ZBTB4: variants seen among roughly 807,000 people sequenced by gnomAD.
ZBTB4 encodes the protein zinc finger and BTB domain-containing protein 4.
ZBTB4 carries 14 observed loss-of-function variants against 59.8 expected under a neutral mutation model. The ratio of observed to expected loss-of-function variants is 0.23; its 90% CI spans 0.15 to 0.37. The LOEUF is 0.37. Among genes scored for constraint, ZBTB4 ranks in the 10% least tolerant of loss-of-function variants. The pLI is 1.00. For missense variants in ZBTB4, 1,198 were observed against 1,380.8 expected (o/e 0.87, Z 2.10); for synonymous variants, 587 against 575.2 (o/e 1.02, Z -0.29).
rs1187128372 is a variant in ZBTB4 at position 7,461,817 on chromosome 17, GCCC to G, written c.*120_*122del. Reference sequence around the variant, plus strand: ...GCAGCCTGACCCCTGAGCTCCAGGGGCCCCCAAGTCCCTGCACAAGAGTGTGAA... The same window carrying G: ...GCAGCCTGACCCCTGAGCTCCAGGGGCCAAGTCCCTGCACAAGAGTGTGAA... On this transcript the variant is annotated 3_prime_UTR_variant, in exon 4 of 4. Transcript: ENST00000380599. The G allele has an allele frequency of 1.2e-6, 1 of 819,712 alleles. No homozygotes were observed. The highest frequency in any genetic ancestry group is 2.8e-5 in the Admixed American group (1 of 36,106). The allele number at this position is 819,712 out of a possible 1,614,324, so 50.8% of individuals were successfully genotyped here.
chr17:7,478,723 C>A (rs188940048), intron 1 of ZBTB4, among the ~76,000 whole-genome samples: 6 of 152,354 alleles, frequency 3.9e-5, no homozygotes, highest in African/African-American at 1.4e-4. Context: ...GCATGCTGTG[C>A]CCTGCTCAGA....
chr17:7,460,591 C>T lies in ZBTB4; in HGVS notation c.*1349G>A, dbSNP rs1431005212. 6.6e-6 allele frequency: 1 copy of T among 152,334 alleles called. No individual in the cohort carries two copies. Among genetic ancestry groups the T allele is most frequent in the Admixed American group, 6.6e-5 (1 of 15,260 alleles). 9.4% of individuals were successfully genotyped at this position (152,334 alleles called of 1,614,324 possible). ...GGTGGGTGGGATGGGAAATATTTAT[C>T]CAATCACAGAGCAGGGAGGCCCAGT... On this transcript the variant is annotated 3_prime_UTR_variant, in exon 4 of 4. Coordinates refer to ENST00000380599, the MANE Select transcript of ZBTB4 (RefSeq NM_001128833.2).
chr17:7,483,212 G>A, upstream of ZBTB4: 2 of 955,376 alleles, frequency 2.1e-6, no homozygotes, highest in Non-Finnish European at 3.0e-6. Context: ...GACCAGGCTG[G>A]GTCCTGGAAT....
At chr17:7,480,051 G>C (rs2070324083), upstream of ZBTB4, among the ~76,000 whole-genome samples, 1 of 152,040 alleles carries the variant, frequency 6.6e-6, no homozygotes, top group South Asian at 2.1e-4. Context: ...CACACTCAAA[G>C]AGGGCCAGCC....
At position 7,463,250 on chromosome 17, in the gene ZBTB4, T is replaced by A. The variant is rs1423614876; in HGVS notation, c.1732A>T (p.Ile578Phe). The change falls in exon 4 of 4, where the codon ATT becomes TTT. Residue 578 changes from isoleucine to phenylalanine, a missense_variant. Ile to Phe is a conservative substitution (Grantham distance 21, BLOSUM62 0). Transcript: ENST00000380599. ...LTYTAKPVGGIGGGGGPPTGA... is the reference protein window; with the variant it reads ...LTYTAKPVGGFGGGGGPPTGA... ...GTGGGGGGACCCCCACCTCCACCAA[T>A]CCCGCCCACTGGCTTGGCTGTGTAA... 8.7e-6 allele frequency: 14 copies of A among 1,611,988 alleles called. No individual in the cohort carries two copies. Among genetic ancestry groups the A allele is most frequent in the Non-Finnish European group, 1.1e-5 (13 of 1,179,494 alleles).
At chr17:7,476,813 G>A (rs1302929949) in intron 1 of ZBTB4, among the ~76,000 whole-genome samples, 1 of 152,200 alleles carries the variant, frequency 6.6e-6, no homozygotes, top group Non-Finnish European at 1.5e-5. Context: ...GAAATGGACT[G>A]CTGCAAATGC....
At chr17:7,480,452 G>T (rs1239027248), upstream of ZBTB4, among the ~76,000 whole-genome samples, 2 of 152,194 alleles carry the variant, frequency 1.3e-5, no homozygotes, top group Non-Finnish European at 2.9e-5. Flanking sequence ...GGGCGCGGTG[G>T]CTCACGCCTG....
Position 7,467,261 on chromosome 17 carries a change from G to C in ZBTB4, c.-14C>G. The C allele has an allele frequency of 2.0e-6, 2 of 992,318 alleles. No homozygotes were observed. Among genetic ancestry groups the C allele is most frequent in the Non-Finnish European group, 2.4e-6 (2 of 834,556 alleles). 61.5% of individuals were successfully genotyped at this position (992,318 alleles called of 1,614,324 possible). On this transcript the variant is annotated 5_prime_UTR_variant, in exon 2 of 4. Transcript: ENST00000380599. ...GGCCTCTGGGTACCTTCTCACCTGAGAGCACAGCCAACATGGAGTGGGGCG... is the reference window on the plus strand; with the variant it reads ...GGCCTCTGGGTACCTTCTCACCTGACAGCACAGCCAACATGGAGTGGGGCG...
chr17:7,461,880 G>C lies in ZBTB4; in HGVS notation c.*60C>G, dbSNP rs1212084044. 5.8e-5 allele frequency: 83 copies of C among 1,434,728 alleles called. No homozygotes were observed. Among genetic ancestry groups the C allele is most frequent in the Non-Finnish European group, 7.3e-5 (78 of 1,063,392 alleles). 88.9% of individuals were successfully genotyped at this position (1,434,728 alleles called of 1,614,324 possible). On this transcript the variant is annotated 3_prime_UTR_variant, in exon 4 of 4. Coordinates refer to ENST00000380599, the MANE Select transcript of ZBTB4 (RefSeq NM_001128833.2). ...AAGGGGCAGGGAGGCCAGGGAGCTG[G>C]TAGTGGTGGGGGGTTCAGGGAGGGT...
rs2070136350 is a variant in ZBTB4, at chr17:7,466,902, G to A, written c.-9-92C>T. 9 of 1,434,710 alleles carry A rather than the reference G, an allele frequency of 6.3e-6. No individual in the cohort carries two copies. The South Asian group carries it at 1.2e-4, about 19-fold the overall frequency. The allele number at this position is 1,434,710 out of a possible 1,614,324, so 88.9% of individuals were successfully genotyped here. A position where few individuals can be genotyped will look rare whatever the true frequency, so the allele number is the denominator to read the frequency against. ...TCAGGCAGAGAGAGGATCAGGAGCT[G>A]CTGGTCAGAAACTAGTGGAAGGCTG... On this transcript the variant is annotated intron_variant, in intron 2 of 3. Transcript: ENST00000380599. This position sits in a 1 kb window ranked among gnomAD's most constrained non-coding sequence, Gnocchi z 9.1.
intron 1 of ZBTB4, among the ~76,000 whole-genome samples, chr17:7,478,376 G>C (rs1036531056): frequency 1.3e-5 from 2 of 151,986 alleles, no homozygotes; most frequent in Admixed American, 6.6e-5. Context: ...CTCCTCTCAT[G>C]ATCTTTGGGA....
At chr17:7,468,373 CA>C (rs112504005) in intron 1 of ZBTB4, among the ~76,000 whole-genome samples, 27,735 of 150,844 alleles carry the variant, frequency 0.18, 2,733 homozygotes, top group South Asian at 0.28. Flanking sequence ...AACTCCGTCT[CA>C]AAAAAAAACC....
rs962418579 is a variant in ZBTB4, at chr17:7,464,039, G to A, written c.1092-149C>T. The A allele has an allele frequency of 2.9e-6, 4 of 1,382,932 alleles. No individual in the cohort carries two copies. The African/African-American group carries it at 5.8e-5, about 20-fold the overall frequency. 85.7% of individuals were successfully genotyped at this position (1,382,932 alleles called of 1,614,324 possible). A position where few individuals can be genotyped will look rare whatever the true frequency, so the allele number is the denominator to read the frequency against. ...CCTCACCAGGCCAGCCTCAGTGCAG[G>A]GTGCCCGTCTGAGCTCAGTGCCTCC... On this transcript the variant is annotated intron_variant, in intron 3 of 3. Coordinates refer to ENST00000380599, the MANE Select transcript of ZBTB4 (RefSeq NM_001128833.2).
chr17:7,470,677 C>T (rs1452844605), intron 1 of ZBTB4, among the ~76,000 whole-genome samples: 1 of 152,110 alleles, frequency 6.6e-6, no homozygotes, highest in Non-Finnish European at 1.5e-5. Context: ...GCTTGGGCAA[C>T]AAGAATGAAA....
chr17:7,466,473 G>T lies in ZBTB4; in HGVS notation c.329C>A (p.Ser110Tyr), dbSNP rs747766353. The T allele has an allele frequency of 3.1e-6, 5 of 1,607,708 alleles. No individual in the cohort carries two copies. The Admixed American group carries it at 8.5e-5, about 27-fold the overall frequency. Residue 110 changes from serine (S) to tyrosine (Y), a missense_variant, in exon 3 of 4, where the codon TCC becomes TAC. This residue lies in a region of ZBTB4 where 83 missense variants were observed against 76.5 expected (regional missense o/e 1.09). Transcript: ENST00000380599. The surrounding 1 kb of genome is among the most constrained non-coding windows in gnomAD (Gnocchi z 9.1). ...SASSSSSSSS[S>Y]SPPPASPPAS... ...AGGGGGAGAGGCTGGAGGGGGAGAG[G>T]AAGAGGAAGAGGAAGAAGAAGAAGA...
At chr17:7,481,956 C>A, upstream of ZBTB4, 1 of 1,552,844 alleles carries the variant, frequency 6.4e-7, no homozygotes, top group Non-Finnish European at 8.7e-7. Flanking sequence ...GCTGCGGCTG[C>A]TGTCTACCCT....
rs541633439 is a variant in ZBTB4 at position 7,464,882 on chromosome 17, C to T, written c.1091+829G>A. On this transcript the variant is annotated intron_variant, in intron 3 of 3. Coordinates refer to ENST00000380599, the MANE Select transcript of ZBTB4 (RefSeq NM_001128833.2). ...TTAAAAAAAAAAAAATGCCGCCGGG[C>T]GCGGTGGCTCATGCCTGTAATCTCA... Among the ~76,000 whole-genome samples, 39 of 148,994 alleles carry T rather than the reference C, an allele frequency of 2.6e-4. 1 individual carries two copies. Among genetic ancestry groups the T allele is most frequent in the African/African-American group, 9.4e-4 (38 of 40,340 alleles).
chr17:7,461,888 G>C lies in ZBTB4; in HGVS notation c.*52C>G. The stretch of plus-strand genomic sequence containing the variant: ...GGGAGGCCAGGGAGCTGGTAGTGGT[G>C]GGGGGTTCAGGGAGGGTGGCATCTG... On this transcript the variant is annotated 3_prime_UTR_variant, in exon 4 of 4. Coordinates refer to ENST00000380599, the MANE Select transcript of ZBTB4 (RefSeq NM_001128833.2). The C allele has an allele frequency of 6.9e-7, 1 of 1,459,494 alleles. No homozygotes were observed. The allele number at this position is 1,459,494 out of a possible 1,614,324, so 90.4% of individuals were successfully genotyped here. A position where few individuals can be genotyped will look rare whatever the true frequency, so the allele number is the denominator to read the frequency against.
intron 3 of ZBTB4, among the ~76,000 whole-genome samples, chr17:7,464,294 C>A (rs1003523160): frequency 1.3e-5 from 2 of 152,120 alleles, no homozygotes; most frequent in Non-Finnish European, 2.9e-5. Flanking sequence ...GCCTTCCCCA[C>A]AGCAGCAAGC....
Sources: allele counts gnomAD v4.1 joint callset (sites outside exome capture counted in the v4.1 genomes callset), GRCh38; gene constraint gnomAD v4.1.1; regional missense constraint gnomAD v4.1.1; non-coding constraint Gnocchi (gnomAD v3.1); transcripts MANE v1.5; gene names NCBI Gene and HGNC (gene_info 2026-07-23, HGNC 2026-07-21).